The following ADAMTS17 variants were observed in gnomAD, a reference collection of about 807,000 sequenced individuals.
ADAMTS17 encodes the protein A disintegrin and metalloproteinase with thrombospondin motifs 17.
A neutral mutation model predicts 141.5 loss-of-function variants in ADAMTS17; 113 were observed. The observed-to-expected ratio is 0.80, with a 90% confidence interval of 0.69 to 0.93. The LOEUF is 0.93. Among genes scored for constraint, ADAMTS17 ranks in the 40% least tolerant of loss-of-function variants. The probability of loss-of-function intolerance (pLI) is 0.00; values close to 1 mark genes in which losing one functional copy is unlikely to be tolerated. For missense variants in ADAMTS17, 1,659 were observed against 1,517.9 expected, an observed-to-expected ratio of 1.09 and a Z score of -1.54; for synonymous variants, 768 against 630.6, an observed-to-expected ratio of 1.22 and a Z score of -3.27.
intron 15 of ADAMTS17, among the ~76,000 whole-genome samples, chr15:100,094,271 C>T (rs1596404290): frequency 6.6e-6 from 1 of 152,210 alleles, no homozygotes; most frequent in African/African-American, 2.4e-5. Context: ...GAGCAGCTAC[C>T]CAAGGAGGCT....
chr15:100,094,866 T>C (rs2035667970), intron 15 of ADAMTS17, among the ~76,000 whole-genome samples: 1 of 152,092 alleles, frequency 6.6e-6, no homozygotes, highest in African/African-American at 2.4e-5. Flanking sequence ...AAAATGGCAT[T>C]AAGTATGTCA....
intron 8 of ADAMTS17, among the ~76,000 whole-genome samples, chr15:100,159,441 T>A (rs541784685): frequency 6.6e-5 from 10 of 152,246 alleles, no homozygotes; most frequent in Non-Finnish European, 1.5e-4. Flanking sequence ...TCAAGTATGC[T>A]TAGCAAAGGA....
chr15:100,333,321 C>T (rs950947597), intron 2 of ADAMTS17, among the ~76,000 whole-genome samples: 2 of 152,152 alleles, frequency 1.3e-5, no homozygotes, highest in Non-Finnish European at 2.9e-5. Flanking sequence ...AATGCAGTTA[C>T]GTGCACAGAC....
At chr15:100,249,939 G>C (rs1181746874) in intron 7 of ADAMTS17, among the ~76,000 whole-genome samples, 1 of 152,220 alleles carries the variant, frequency 6.6e-6, no homozygotes, top group African/African-American at 2.4e-5. Context: ...AGGGCTGATC[G>C]CCTTCTTCAC....
At chr15:100,110,607 GTTC>G (rs1313777237) in intron 13 of ADAMTS17, among the ~76,000 whole-genome samples, 1 of 152,098 alleles carries the variant, frequency 6.6e-6, no homozygotes, top group African/African-American at 2.4e-5. Context: ...AATAGATTTT[GTTC>G]TTCTGTAAGT....
At chr15:100,154,306 C>T (rs1596578891) in intron 9 of ADAMTS17, among the ~76,000 whole-genome samples, 2 of 152,200 alleles carry the variant, frequency 1.3e-5, no homozygotes, top group South Asian at 4.1e-4. Flanking sequence ...GGGAAGTAGA[C>T]TACATTAAAA....
At chr15:100,288,468 A>G (rs2044520036) in intron 3 of ADAMTS17, among the ~76,000 whole-genome samples, 2 of 152,334 alleles carry the variant, frequency 1.3e-5, no homozygotes, top group South Asian at 4.1e-4. Context: ...CAAGGCAGAA[A>G]ACTAATAAAG....
In ADAMTS17 at chr15:100,136,624, C is replaced by G. The variant is rs183219250; in HGVS notation, c.1474-3309G>C. 1.0e-3 allele frequency among the ~76,000 whole-genome samples: 155 copies of G among 152,238 alleles called. 2 individuals are homozygous for G. Among genetic ancestry groups the G allele is most frequent in the Middle Eastern group, 6.8e-3 (2 of 294 alleles). Reference sequence around the variant, plus strand: ...GGCTTTCTCTATTTTTTCCACTTTTCCAAAGAGGAGGTCAATGTTTGTGAA... The same window carrying G: ...GGCTTTCTCTATTTTTTCCACTTTTGCAAAGAGGAGGTCAATGTTTGTGAA... On this transcript the variant is annotated intron_variant, in intron 10 of 21. Transcript: ENST00000268070.
intron 8 of ADAMTS17, among the ~76,000 whole-genome samples, chr15:100,177,421 T>A (rs2040375568): frequency 6.6e-6 from 1 of 152,230 alleles, no homozygotes; most frequent in South Asian, 2.1e-4. Context: ...CAGAAATGTG[T>A]TATTTAATTT....
At chr15:100,324,027 A>AAC (rs973075920) in intron 3 of ADAMTS17, among the ~76,000 whole-genome samples, 1 of 149,586 alleles carries the variant, frequency 6.7e-6, no homozygotes, top group Non-Finnish European at 1.5e-5. Flanking sequence ...TTTCTCTCAA[A>AAC]AAAAAAAAAA....
intron 2 of ADAMTS17, among the ~76,000 whole-genome samples, chr15:100,336,932 G>A (rs549113546): frequency 6.6e-6 from 1 of 152,184 alleles, no homozygotes; most frequent in East Asian, 1.9e-4. Context: ...GGAGTGCATT[G>A]GCGGGATCTC....
intron 7 of ADAMTS17, among the ~76,000 whole-genome samples, chr15:100,252,281 G>A (rs1301390889): frequency 6.6e-6 from 1 of 152,138 alleles, no homozygotes; most frequent in Non-Finnish European, 1.5e-5. Flanking sequence ...CCCTTCACCT[G>A]CATTCATTCA....
At chr15:100,208,265 C>G (rs1281096574) in intron 7 of ADAMTS17, among the ~76,000 whole-genome samples, 1 of 152,218 alleles carries the variant, frequency 6.6e-6, no homozygotes, top group Non-Finnish European at 1.5e-5. Context: ...TCCGGGTGTG[C>G]AGAACCAAAT....
intron 12 of ADAMTS17, among the ~76,000 whole-genome samples, chr15:100,124,348 G>C (rs919402193): frequency 2.6e-5 from 4 of 152,206 alleles, no homozygotes; most frequent in African/African-American, 7.2e-5. Context: ...ACAAGAAAAG[G>C]ATATCCAAAT....
chr15:100,141,496 A>C (rs1207508912), intron 10 of ADAMTS17, among the ~76,000 whole-genome samples: 2 of 152,228 alleles, frequency 1.3e-5, no homozygotes, highest in African/African-American at 4.8e-5. Context: ...ATCAACGCTA[A>C]GAGCTGGATG....
intron 7 of ADAMTS17, among the ~76,000 whole-genome samples, chr15:100,199,906 T>A (rs2041258505): frequency 6.6e-6 from 1 of 152,208 alleles, no homozygotes; most frequent in African/African-American, 2.4e-5. Context: ...CCGCACACCC[T>A]GAGAGGGAGC....
intron 7 of ADAMTS17, among the ~76,000 whole-genome samples, chr15:100,226,901 T>C (rs956808196): frequency 6.6e-6 from 1 of 152,232 alleles, no homozygotes; most frequent in Non-Finnish European, 1.5e-5. Flanking sequence ...TGTTCTGATC[T>C]AGAAAAATGA....
Position 100,078,729 on chromosome 15 carries a change from C to T in ADAMTS17, c.2137+17627G>A, listed in dbSNP as rs554357135. 2.0e-5 allele frequency among the ~76,000 whole-genome samples: 3 copies of T among 152,230 alleles called. No homozygotes were observed. The South Asian group carries it at 6.2e-4, about 32-fold the overall frequency. On this transcript the variant is annotated intron_variant, in intron 15 of 21. Coordinates refer to ENST00000268070, the MANE Select transcript of ADAMTS17 (RefSeq NM_139057.4). ...AAAAAATAGTTTAACTGGATTGCAT[C>T]AAAACTGAAAACCTGTGTTTCAAAA...
At chr15:100,302,025 A>T (rs1220986742) in intron 3 of ADAMTS17, among the ~76,000 whole-genome samples, 1 of 152,198 alleles carries the variant, frequency 6.6e-6, no homozygotes, top group Non-Finnish European at 1.5e-5. Context: ...GAACAGTTGC[A>T]TCACCTAAAT....
Sources: gnomAD v4.1 joint callset for allele counts (sites outside exome capture counted in the v4.1 genomes callset) on GRCh38, gnomAD v4.1.1 for gene constraint, MANE v1.5 for transcripts, NCBI Gene and HGNC (gene_info 2026-07-23, HGNC 2026-07-21) for gene names.